SNTG2: variants seen among roughly 807,000 people sequenced by gnomAD.
SNTG2 encodes the protein gamma-2-syntrophin.
A neutral mutation model predicts 70.9 loss-of-function variants in SNTG2; 74 were observed. That is an observed-to-expected ratio of 1.04 (90% CI 0.86 to 1.27). SNTG2 has a LOEUF of 1.27. Among genes scored for constraint, SNTG2 ranks in the 50% most tolerant of loss-of-function variants. The pLI, the probability that SNTG2 is intolerant of heterozygous loss-of-function variation, is 0.00. For synonymous variants in SNTG2, 278 were observed against 273.8 expected (o/e 1.02, Z -0.15); for missense variants, 717 against 690.7 (o/e 1.04, Z -0.43).
rs988851855 is a variant in SNTG2 at position 985,291 on chromosome 2, A to AT, written c.72+34234dup. On this transcript the variant is annotated intron_variant, in intron 1 of 16. Transcript: ENST00000308624. ...AGCCATTAAACAGAAAGACAAGTTG[A>AT]TTTTTTTTTTTGGCAAATTTAGAAA... Among the ~76,000 whole-genome samples the AT allele has an allele frequency of 9.3e-3, 1,381 of 148,190 alleles. 23 individuals are homozygous for AT. Among genetic ancestry groups the AT allele is most frequent in the African/African-American group, 0.029 (1,169 of 40,560 alleles).
chr2:957,672 G>A (rs948756746), intron 1 of SNTG2, among the ~76,000 whole-genome samples: 2 of 152,006 alleles, frequency 1.3e-5, no homozygotes, highest in African/African-American at 4.8e-5. Flanking sequence ...ATGAGGTCGG[G>A]CAACATTTGT....
intron 16 of SNTG2, 110 bp from the exon 17 acceptor site, chr2:1,367,233 T>C: frequency 9.7e-7 from 1 of 1,033,422 alleles, no homozygotes; most frequent in Non-Finnish European, 1.4e-6. Context: ...TATTATTATT[T>C]TTTTGGAGGG....
intron 1 of SNTG2, among the ~76,000 whole-genome samples, chr2:1,058,217 A>G (rs1351814744): frequency 6.6e-6 from 1 of 152,176 alleles, no homozygotes; most frequent in African/African-American, 2.4e-5. Flanking sequence ...GTTTTTTGAA[A>G]AAAAAAGATA....
intron 14 of SNTG2, among the ~76,000 whole-genome samples, chr2:1,306,822 C>T (rs965427974): frequency 4.6e-5 from 7 of 150,900 alleles, no homozygotes; most frequent in East Asian, 3.9e-4. Context: ...CAGAGCAGTG[C>T]GCTGTGAGCC....
intron 1 of SNTG2, among the ~76,000 whole-genome samples, chr2:1,015,953 G>A (rs1659879019): frequency 6.6e-6 from 1 of 152,132 alleles, no homozygotes; most frequent in Non-Finnish European, 1.5e-5. Context: ...CTTGTAACAG[G>A]AAATAAAAAT....
intron 1 of SNTG2, among the ~76,000 whole-genome samples, chr2:1,038,634 T>C (rs1371828150): frequency 6.6e-6 from 1 of 152,256 alleles, no homozygotes; most frequent in Non-Finnish European, 1.5e-5. Context: ...AGAGGATTTA[T>C]CTTCTAAAGA....
In SNTG2 at chr2:1,267,570, G is replaced by A. The variant is rs1252974680; in HGVS notation, c.1283G>A (p.Gly428Glu). 6.2e-7 allele frequency: 1 copy of A among 1,612,274 alleles called. No individual in the cohort carries two copies. Among genetic ancestry groups the A allele is most frequent in the South Asian group, 1.1e-5 (1 of 90,968 alleles). The change falls in exon 14 of 17, where the codon GGG becomes GAG. Residue 428 changes from glycine to glutamate, a missense_variant and splice_region_variant. Coordinates refer to ENST00000308624, the MANE Select transcript of SNTG2 (RefSeq NM_018968.4). The stretch of plus-strand genomic sequence containing the variant: ...ACGTTCATGGAAGTTCAGAGAACCG[G>A]GGTAAGTGAACAACTCACACTCTTC... The part of the protein sequence containing the change: ...RATFMEVQRT[G>E]SRTYMCSWQG...
intron 8 of SNTG2, among the ~76,000 whole-genome samples, chr2:1,200,845 A>T (rs1673231476): frequency 6.6e-6 from 1 of 152,044 alleles, no homozygotes; most frequent in Non-Finnish European, 1.5e-5. Flanking sequence ...ATGATGAAAT[A>T]TTATCTTACC....
intron 1 of SNTG2, among the ~76,000 whole-genome samples, chr2:1,046,702 G>T (rs1661756622): frequency 6.6e-6 from 1 of 152,142 alleles, no homozygotes; most frequent in African/African-American, 2.4e-5. Flanking sequence ...CTTCTAGGTT[G>T]TAGGGTTTCT....
intron 12 of SNTG2, among the ~76,000 whole-genome samples, chr2:1,251,410 A>G (rs918525132): frequency 6.6e-6 from 1 of 151,824 alleles, no homozygotes; most frequent in Non-Finnish European, 1.5e-5. Flanking sequence ...GCTCACATAG[A>G]CCCACACACA....
intron 7 of SNTG2, among the ~76,000 whole-genome samples, chr2:1,172,590 G>T (rs191400212): frequency 8.3e-4 from 126 of 152,304 alleles, no homozygotes; most frequent in African/African-American, 2.7e-3. Context: ...TGTAAGCTCT[G>T]GTTGCATGAG....
At chr2:1,031,604 C>T (rs1426270741) in intron 1 of SNTG2, among the ~76,000 whole-genome samples, 1 of 143,852 alleles carries the variant, frequency 7.0e-6, no homozygotes, top group Non-Finnish European at 1.5e-5. Context: ...GATCTTGGCT[C>T]ACTGCAACCT....
rs577895890 is a variant in SNTG2 at position 1,312,517 on chromosome 2, G to A, written c.1378-3748G>A. ...GCAGCCTGGGTCCAGGAGGGGTGCC[G>A]CCTGAGTCCTCAGCCTCCACGGATC... On this transcript the variant is annotated intron_variant, in intron 15 of 16. Coordinates refer to ENST00000308624, the MANE Select transcript of SNTG2 (RefSeq NM_018968.4). 4.6e-5 allele frequency among the ~76,000 whole-genome samples: 7 copies of A among 152,330 alleles called. No homozygotes were observed. The South Asian group carries it at 1.2e-3, about 27-fold the overall frequency.
At chr2:1,322,152 A>G (rs1681560704) in intron 16 of SNTG2, among the ~76,000 whole-genome samples, 1 of 152,224 alleles carries the variant, frequency 6.6e-6, no homozygotes, top group Non-Finnish European at 1.5e-5. Flanking sequence ...ATATAGTTGA[A>G]TCAAATCTTT....
At chr2:1,272,342 G>T (rs181924148) in intron 14 of SNTG2, among the ~76,000 whole-genome samples, 6 of 150,476 alleles carry the variant, frequency 4.0e-5, no homozygotes, top group African/African-American at 9.8e-5. Flanking sequence ...TAGGGTTCCC[G>T]CTCCTGTGAG....
chr2:1,050,347 C>T (rs1661985893), intron 1 of SNTG2, among the ~76,000 whole-genome samples: 1 of 152,090 alleles, frequency 6.6e-6, no homozygotes, highest in Non-Finnish European at 1.5e-5. Context: ...GATCAAAATT[C>T]CAGCTAGAGT....
intron 1 of SNTG2, among the ~76,000 whole-genome samples, chr2:955,728 T>C (rs1660118894): frequency 6.6e-6 from 1 of 152,220 alleles, no homozygotes; most frequent in Admixed American, 6.5e-5. Context: ...TGAGCGGGTG[T>C]TTAGAAAATA....
intron 16 of SNTG2, among the ~76,000 whole-genome samples, chr2:1,361,245 A>G (rs550994094): frequency 6.6e-6 from 1 of 152,170 alleles, no homozygotes; most frequent in Non-Finnish European, 1.5e-5. Context: ...ATCATTCTCC[A>G]CCAACAATAA....
chr2:1,161,000 G>C (rs1445289399), intron 6 of SNTG2: 2 of 152,266 alleles, frequency 1.3e-5, no homozygotes, highest in African/African-American at 4.8e-5. Flanking sequence ...TCCTTTCTAA[G>C]GAAGAAATGG....
Sources: gnomAD v4.1 joint callset for allele counts (sites outside exome capture counted in the v4.1 genomes callset) on GRCh38, gnomAD v4.1.1 for gene constraint, MANE v1.5 for transcripts, NCBI Gene and HGNC (gene_info 2026-07-23, HGNC 2026-07-21) for gene names.